The following DYNC1H1 variants were observed in gnomAD, a reference collection of about 807,000 sequenced individuals.
DYNC1H1 encodes the protein dynein cytoplasmic 1 heavy chain 1.
In DYNC1H1, 51 loss-of-function variants were observed where a neutral mutation model predicts 527.1. That is an observed-to-expected ratio of 0.10 (90% confidence interval 0.08 to 0.12). The LOEUF (loss-of-function observed/expected upper bound fraction) is 0.12, where lower values mean the gene tolerates loss of function less well. Among genes scored for constraint, DYNC1H1 ranks in the 10% least tolerant of loss-of-function variants. The pLI is 1.00. For synonymous variants in DYNC1H1, 2,189 were observed against 2,278.8 expected (o/e 0.96, Z 1.12); for missense variants, 2,771 against 5,971.8 (o/e 0.46, Z 17.66).
At chr14:102,040,856 G>C (rs1384162620) in intron 64 of DYNC1H1, 183 bp downstream of exon 64, 1 of 702,958 alleles carries the variant, frequency 1.4e-6, no homozygotes, top group African/African-American at 1.8e-5. Flanking sequence ...CTACTCGGGA[G>C]GCTAAAGCAG....
chr14:102,049,973 C>T lies in DYNC1H1; in HGVS notation c.13684+91C>T. ...TCCCAGATACATGCACTTAGGGTGA[C>T]CGGCTGGCAGTTGGGTGGAGCCTCT... On this transcript the variant is annotated intron_variant, in intron 76 of 77. Transcript: ENST00000360184. This position sits in a 1 kb window ranked among gnomAD's most constrained non-coding sequence, Gnocchi z 5.5. The T allele has an allele frequency of 6.8e-7, 1 of 1,479,842 alleles. No homozygotes were observed. The highest frequency in any genetic ancestry group is 9.0e-7 in the Non-Finnish European group (1 of 1,110,198). The allele number at this position is 1,479,842 out of a possible 1,614,324, so 91.7% of individuals were successfully genotyped here. A position where few individuals can be genotyped will look rare whatever the true frequency, so the allele number is the denominator to read the frequency against.
chr14:101,970,206 A>G (rs992546939), intron 1 of DYNC1H1, among the ~76,000 whole-genome samples: 3 of 152,072 alleles, frequency 2.0e-5, no homozygotes, highest in Non-Finnish European at 4.4e-5. Context: ...CATATTCCTA[A>G]TGATGTTACA....
At chr14:102,034,711 G>A in intron 56 of DYNC1H1, 2 of 581,140 alleles carry the variant, frequency 3.4e-6, no homozygotes, top group South Asian at 1.9e-5. Flanking sequence ...ATCACGTGAG[G>A]TCAGGAGTTT....
chr14:101,979,372 C>T lies in DYNC1H1; in HGVS notation c.398C>T (p.Ser133Phe). ...ATTGATGCAGATAAACCCGTGTCTT[C>T]TCAGCTCCGGGTCCTTACACTCAGT... ...PVIDADKPVS[S>F]QLRVLTLSED... is the part of the protein sequence containing the mutation. Residue 133 changes from serine to phenylalanine, a missense_variant, in exon 3 of 78, where the codon TCT becomes TTT. Ser to Phe is a radical substitution (Grantham distance 155). Around this residue, in one of 32 missense-constraint regions of DYNC1H1, gnomAD observed 146 missense variants for 288.1 expected, o/e 0.51. Coordinates refer to ENST00000360184, the MANE Select transcript of DYNC1H1 (RefSeq NM_001376.5). The surrounding 1 kb of genome is among the most constrained non-coding windows in gnomAD (Gnocchi z 4.6). 1 of 1,614,206 alleles carries T rather than the reference C, an allele frequency of 6.2e-7. No individual in the cohort carries two copies. The highest frequency in any genetic ancestry group is 8.5e-7 in the Non-Finnish European group (1 of 1,180,048).
At chr14:101,991,707 G>A (rs866571064) in intron 11 of DYNC1H1, 34 bp downstream of exon 11, 1 of 1,613,852 alleles carries the variant, frequency 6.2e-7, no homozygotes, top group Admixed American at 1.7e-5. Flanking sequence ...ACACGCCTCT[G>A]ACCAGGACTC....
At chr14:102,048,719 C>T in intron 74 of DYNC1H1, 50 bp downstream of exon 74, 1 of 1,595,860 alleles carries the variant, frequency 6.3e-7, no homozygotes, top group Non-Finnish European at 8.5e-7. Context: ...GCACCTTGGC[C>T]AGGGGCCACA....
chr14:101,970,259 C>G (rs1258048410), intron 1 of DYNC1H1, among the ~76,000 whole-genome samples: 1 of 151,838 alleles, frequency 6.6e-6, no homozygotes, highest in Non-Finnish European at 1.5e-5. Flanking sequence ...ACTTTCTCAC[C>G]GTGTTCTGAG....
rs1394764897 is a variant in DYNC1H1 at position 102,020,848 on chromosome 14, G to A, written c.8507+792G>A. 6.6e-6 allele frequency among the ~76,000 whole-genome samples: 1 copy of A among 152,182 alleles called. No homozygotes were observed. Among genetic ancestry groups the A allele is most frequent in the Non-Finnish European group, 1.5e-5 (1 of 68,034 alleles). On this transcript the variant is annotated intron_variant, in intron 42 of 77. Transcript: ENST00000360184. This position sits in a 1 kb window ranked among gnomAD's most constrained non-coding sequence, Gnocchi z 4.3. ...TTTTCCTGTCATTACTGTACAAGGA[G>A]TCTCAGAATACTGCCTAGTTGTAAT...
chr14:102,020,293 C>T lies in DYNC1H1; in HGVS notation c.8507+237C>T, dbSNP rs1035128811. On this transcript the variant is annotated intron_variant, in intron 42 of 77. Transcript: ENST00000360184. The surrounding 1 kb of genome is among the most constrained non-coding windows in gnomAD (Gnocchi z 4.3). Reference sequence around the variant, plus strand: ...CGGCTGGCCCACCACTGTCTGCTTACACAAGGCACTTTCATAAACCTTGTG... The same window carrying T: ...CGGCTGGCCCACCACTGTCTGCTTATACAAGGCACTTTCATAAACCTTGTG... Among the ~76,000 whole-genome samples, 14 of 152,164 alleles carry T rather than the reference C, an allele frequency of 9.2e-5. No homozygotes were observed. Among genetic ancestry groups the T allele is most frequent in the Non-Finnish European group, 1.8e-4 (12 of 68,016 alleles).
chr14:101,975,969 G>A (rs1178568911), intron 2 of DYNC1H1, among the ~76,000 whole-genome samples, 170 bp downstream of exon 2: 3 of 150,464 alleles, frequency 2.0e-5, no homozygotes, highest in African/African-American at 7.3e-5. Flanking sequence ...GTACAATGGC[G>A]CGATCTCGGC....
rs1226025862 is a variant in DYNC1H1 at position 101,984,610 on chromosome 14, C to G, written c.1461+1001C>G. On this transcript the variant is annotated intron_variant, in intron 7 of 77. Coordinates refer to ENST00000360184, the MANE Select transcript of DYNC1H1 (RefSeq NM_001376.5). The stretch of plus-strand genomic sequence containing the variant: ...GAATTACAGGCGCCAGCCACCACAC[C>G]CAGCTAATTTTTGTATTTTTAGTAG... Among the ~76,000 whole-genome samples, 5 of 150,306 alleles carry G rather than the reference C, an allele frequency of 3.3e-5. No individual in the cohort carries two copies. In the East Asian group the frequency reaches 1.0e-3, roughly 30 times the overall value.
At chr14:102,030,329 C>A in intron 51 of DYNC1H1, 47 bp downstream of exon 51, 1 of 1,613,540 alleles carries the variant, frequency 6.2e-7, no homozygotes, top group Non-Finnish European at 8.5e-7. Flanking sequence ...GGGTGGTCTC[C>A]GTCAACATTA....
In DYNC1H1 at chr14:102,040,642, G is replaced by T. The variant is rs776460653; in HGVS notation, c.11910G>T (p.Val3970=). 6.2e-7 allele frequency: 1 copy of T among 1,614,212 alleles called. No individual in the cohort carries two copies. The highest frequency in any genetic ancestry group is 8.5e-7 in the Non-Finnish European group (1 of 1,180,042). The part of the protein sequence containing the change: ...WLDSSSPEQT[V]PYLWSEETPA... Reference sequence around the variant, plus strand: ...ACAGCAGCTCCCCGGAGCAGACTGTGCCCTACCTCTGGAGTGAAGAAACAC... The same window carrying T: ...ACAGCAGCTCCCCGGAGCAGACTGTTCCCTACCTCTGGAGTGAAGAAACAC... Residue 3970 remains valine (V), a synonymous_variant, in exon 64 of 78, where the codon GTG becomes GTT. Coordinates refer to ENST00000360184, the MANE Select transcript of DYNC1H1 (RefSeq NM_001376.5).
intron 1 of DYNC1H1, among the ~76,000 whole-genome samples, chr14:101,971,762 A>T (rs1444844803): frequency 1.3e-5 from 2 of 152,226 alleles, no homozygotes; most frequent in African/African-American, 4.8e-5. Context: ...TACCTAATTC[A>T]TAGTTTAATG....
chr14:102,019,886 G>A lies in DYNC1H1; in HGVS notation c.8344-7G>A, dbSNP rs748271521. On this transcript the variant is annotated splice_region_variant and splice_polypyrimidine_tract_variant and intron_variant, in intron 41 of 77. Transcript: ENST00000360184. ...ACGTGTACCTTCCATTTTTCTCATT[G>A]CCATAGGAGAGATTCACCCAGGATA... 1.2e-6 allele frequency: 2 copies of A among 1,614,098 alleles called. No individual in the cohort carries two copies. Among genetic ancestry groups the A allele is most frequent in the South Asian group, 2.2e-5 (2 of 91,084 alleles).
Position 102,011,950 on chromosome 14 carries a change from A to G in DYNC1H1, c.6694A>G (p.Met2232Val). The change falls in exon 33 of 78, where the codon ATG becomes GTG. Residue 2232 changes from methionine to valine, a missense_variant. By Grantham distance (21) the Met-to-Val change is conservative. Coordinates refer to ENST00000360184, the MANE Select transcript of DYNC1H1 (RefSeq NM_001376.5). The surrounding 1 kb of genome is among the most constrained non-coding windows in gnomAD (Gnocchi z 5.3). Reference protein sequence around the residue: ...MVGPSGSGKSMAWRVLLKALE... With the variant: ...MVGPSGSGKSVAWRVLLKALE... ...GGGGCCCTCGGGAAGTGGGAAGAGC[A>G]TGGCCTGGCGTGTCCTGCTGAAGGC... The G allele has an allele frequency of 6.2e-7, 1 of 1,614,048 alleles. No homozygotes were observed. The highest frequency in any genetic ancestry group is 1.1e-5 in the South Asian group (1 of 91,086).
chr14:102,026,318 C>T (rs552420976), intron 43 of DYNC1H1, among the ~76,000 whole-genome samples: 1 of 152,120 alleles, frequency 6.6e-6, no homozygotes, highest in East Asian at 1.9e-4. Flanking sequence ...TTTTTTCCTC[C>T]ATGATCATGG....
chr14:101,989,699 G>T (rs556562858), intron 10 of DYNC1H1, among the ~76,000 whole-genome samples: 1 of 151,934 alleles, frequency 6.6e-6, no homozygotes, highest in Non-Finnish European at 1.5e-5. Context: ...TGTTTTCACT[G>T]TTGAATATTT....
rs747028073 is a variant in DYNC1H1 at position 102,018,463 on chromosome 14, C to T, written c.8190C>T (p.His2730=). ...TATCTGTGCACAGGTTCCTGCGCCA[C>T]GTGCCTGTCGTGTATGTGGATTACC... is the stretch of plus-strand genomic sequence containing the variant. ...RKPLSHRFLR[H]VPVVYVDYPG... is the part of the protein sequence containing the mutation. Residue 2730 remains histidine (H), a synonymous_variant, in exon 41 of 78, where the codon CAC becomes CAT. Coordinates refer to ENST00000360184, the MANE Select transcript of DYNC1H1 (RefSeq NM_001376.5). This position sits in a 1 kb window ranked among gnomAD's most constrained non-coding sequence, Gnocchi z 5.2. 6 of 1,613,664 alleles carry T rather than the reference C, an allele frequency of 3.7e-6. No individual in the cohort carries two copies. Among genetic ancestry groups the T allele is most frequent in the African/African-American group, 1.3e-5 (1 of 75,052 alleles).
Sources: gnomAD v4.1 joint callset for allele counts (sites outside exome capture counted in the v4.1 genomes callset) on GRCh38, gnomAD v4.1.1 for gene constraint, gnomAD v4.1.1 regional missense constraint, Gnocchi (gnomAD v3.1) non-coding constraint, MANE v1.5 for transcripts, NCBI Gene and HGNC (gene_info 2026-07-23, HGNC 2026-07-21) for gene names.